BCR: variants seen among roughly 807,000 people sequenced by gnomAD.
BCR encodes BCR activator of RhoGEF and GTPase.
In BCR, 58 loss-of-function variants were observed where a neutral mutation model predicts 138.6. The ratio of observed to expected loss-of-function variants is 0.42; its 90% confidence interval spans 0.34 to 0.52. The LOEUF (loss-of-function observed/expected upper bound fraction) is 0.52, where lower values mean the gene tolerates loss of function less well. Ranked by LOEUF, BCR falls within the 20% of genes least tolerant of loss-of-function variation. The pLI is 0.06. For synonymous variants in BCR, 786 were observed against 730.1 expected (o/e 1.08, Z -1.23); for missense variants, 1,599 against 1,727.2 (o/e 0.93, Z 1.32).
At chr22:23,284,981 A>G in intron 9 of BCR, 52 bp from the exon 10 acceptor site, 2 of 1,575,764 alleles carry the variant, frequency 1.3e-6, no homozygotes, top group South Asian at 2.3e-5. Flanking sequence ...CAGTGACATC[A>G]GCCATAGAAG....
At chr22:23,286,052 A>G (rs908302050) in intron 10 of BCR, among the ~76,000 whole-genome samples, 1 of 152,200 alleles carries the variant, frequency 6.6e-6, no homozygotes, top group African/African-American at 2.4e-5. Flanking sequence ...ACATGGGTGA[A>G]GTACTGAGTC....
Position 23,305,261 on chromosome 22 carries a change from A to C in BCR, c.3013-4163A>C, listed in dbSNP as rs547465348. Among the ~76,000 whole-genome samples the C allele has an allele frequency of 2.0e-5, 3 of 152,286 alleles. No homozygotes were observed. The East Asian group carries it at 5.8e-4, about 29-fold the overall frequency. On this transcript the variant is annotated intron_variant, in intron 16 of 22. Coordinates refer to ENST00000305877, the MANE Select transcript of BCR (RefSeq NM_004327.4). ...AGACCCACCCCCGGGAGTAGGTTATAGTGCAGACACATGGGGCCCAGACAG... is the reference window on the plus strand; with the variant it reads ...AGACCCACCCCCGGGAGTAGGTTATCGTGCAGACACATGGGGCCCAGACAG...
chr22:23,315,832 TTAAC>T lies in BCR; in HGVS notation c.*312_*315del. 3 of 461,566 alleles carry T rather than the reference TTAAC, an allele frequency of 6.5e-6. No homozygotes were observed. The highest frequency in any genetic ancestry group is 6.0e-5 in the South Asian group (3 of 49,824). 28.6% of individuals were successfully genotyped at this position (461,566 alleles called of 1,614,324 possible). ...GGTGAAGGGAGTGGTTTTTATGAAC[TTAAC>T]TTAGAGTCTAAAAGATTTCTACTGG... On this transcript the variant is annotated 3_prime_UTR_variant, in exon 23 of 23. Coordinates refer to ENST00000305877, the MANE Select transcript of BCR (RefSeq NM_004327.4).
chr22:23,216,386 T>C lies in BCR; in HGVS notation c.1279+34147T>C, dbSNP rs1395520606. 7.2e-5 allele frequency among the ~76,000 whole-genome samples: 11 copies of C among 152,346 alleles called. 1 individual carries two copies. The South Asian group carries it at 2.3e-3, about 32-fold the overall frequency. On this transcript the variant is annotated intron_variant, in intron 1 of 22. Coordinates refer to ENST00000305877, the MANE Select transcript of BCR (RefSeq NM_004327.4). ...CCCCTTTTCTTTTATGGTAGTATTATGTGAAATTATTCATTGTATTCATAA... is the reference window on the plus strand; with the variant it reads ...CCCCTTTTCTTTTATGGTAGTATTACGTGAAATTATTCATTGTATTCATAA...
chr22:23,278,167 AC>A (rs1275083684), intron 8 of BCR, among the ~76,000 whole-genome samples: 1 of 151,940 alleles, frequency 6.6e-6, no homozygotes, highest in Admixed American at 6.6e-5. Flanking sequence ...GCTGCTCAGC[AC>A]CCCCTCCGCC....
At chr22:23,219,794 C>T (rs532978648) in intron 1 of BCR, among the ~76,000 whole-genome samples, 21 of 152,336 alleles carry the variant, frequency 1.4e-4, no homozygotes, top group African/African-American at 4.8e-4. Flanking sequence ...TTTGAGGCTA[C>T]TTTCTGCAGT....
chr22:23,314,008 C>A lies in BCR; in HGVS notation c.3498C>A (p.Asn1166Lys). The change falls in exon 21 of 23, where the codon AAC becomes AAA. Residue 1166 changes from asparagine to lysine, a missense_variant. Transcript: ENST00000305877. ...DPVAKESCML[N>K]LLLSLPEANL... is the part of the protein sequence containing the mutation. Reference sequence around the variant, plus strand: ...TTGCAAAGGAGAGCTGCATGCTCAACCTGCTGCTGTCCCTGCCGGAGGCCA... The same window carrying A: ...TTGCAAAGGAGAGCTGCATGCTCAAACTGCTGCTGTCCCTGCCGGAGGCCA... The A allele has an allele frequency of 1.9e-6, 3 of 1,614,058 alleles. No homozygotes were observed. Among genetic ancestry groups the A allele is most frequent in the Non-Finnish European group, 2.5e-6 (3 of 1,180,022 alleles).
chr22:23,198,351 A>G (rs752935825), intron 1 of BCR: 2 of 446,004 alleles, frequency 4.5e-6, no homozygotes, highest in Admixed American at 2.9e-5. Context: ...CTGGAGTCCC[A>G]GGGGGAGATT....
intron 15 of BCR, 78 bp from the exon 16 acceptor site, chr22:23,294,944 GCC>G (rs2073828648): frequency 6.5e-7 from 1 of 1,543,062 alleles, no homozygotes; most frequent in Non-Finnish European, 8.8e-7. Context: ...AGCAGGGAGA[GCC>G]CCGGTTCAGA....
chr22:23,211,355 A>G (rs1389698523), intron 1 of BCR, among the ~76,000 whole-genome samples: 1 of 150,272 alleles, frequency 6.7e-6, no homozygotes, highest in Non-Finnish European at 1.5e-5. Flanking sequence ...CCGCCACTAC[A>G]CCCAGCTAAT....
intron 3 of BCR, 102 bp downstream of exon 3, chr22:23,261,156 G>T (rs996821947): frequency 6.1e-6 from 8 of 1,316,360 alleles, no homozygotes; most frequent in Middle Eastern, 2.6e-4. Context: ...CAGAGCCTGG[G>T]TGCAGCTCGC....
intron 4 of BCR, chr22:23,264,328 A>T: frequency 1.0e-6 from 1 of 988,332 alleles, no homozygotes; most frequent in Non-Finnish European, 1.6e-6. Context: ...CTGTCTTACA[A>T]CCTCCACGTC....
chr22:23,185,418 C>T (rs1309418916), intron 1 of BCR, among the ~76,000 whole-genome samples: 1 of 152,138 alleles, frequency 6.6e-6, no homozygotes, highest in African/African-American at 2.4e-5. Flanking sequence ...GTAATCCCAG[C>T]ACTTAGGGAG....
At chr22:23,274,645 C>G (rs1220791237) in intron 8 of BCR, among the ~76,000 whole-genome samples, 4 of 152,132 alleles carry the variant, frequency 2.6e-5, no homozygotes, top group Admixed American at 2.6e-4. Context: ...TGCGGTGGCT[C>G]ACGCCTGTAA....
At chr22:23,272,014 TG>T (rs2073515699) in intron 6 of BCR, among the ~76,000 whole-genome samples, 1 of 152,112 alleles carries the variant, frequency 6.6e-6, no homozygotes, top group African/African-American at 2.4e-5. Context: ...TTAATAGAGA[TG>T]GGGTTTCCCT....
In BCR at chr22:23,181,556, G is replaced by T. The variant is rs1421525948; in HGVS notation, c.596G>T (p.Arg199Leu). Residue 199 changes from arginine to leucine, a missense_variant, in exon 1 of 23, where the codon CGC (arginine) becomes CTC (leucine). By Grantham distance (102) the Arg-to-Leu change is moderately radical. This residue lies in a region of BCR where 806 missense variants were observed against 635.0 expected (regional missense o/e 1.27). Transcript: ENST00000305877. ...VKVNDKEVSD[R>L]ISSLGSQAMQ... The stretch of plus-strand genomic sequence containing the variant: ...GTCAACGACAAAGAGGTGTCGGACC[G>T]CATCAGCTCCCTGGGCAGCCAGGCC... 2 of 1,612,958 alleles carry T rather than the reference G, an allele frequency of 1.2e-6. No homozygotes were observed. Among genetic ancestry groups the T allele is most frequent in the Non-Finnish European group, 1.7e-6 (2 of 1,179,980 alleles).
At chr22:23,273,215 T>A (rs1281970155) in intron 7 of BCR, 82 bp downstream of exon 7, 6 of 1,455,482 alleles carry the variant, frequency 4.1e-6, no homozygotes, top group Non-Finnish European at 9.4e-7. Context: ...GACCTTTTTT[T>A]AGTTGTCATA....
intron 5 of BCR, among the ~76,000 whole-genome samples, chr22:23,269,678 C>G (rs1361930431): frequency 2.0e-5 from 3 of 152,210 alleles, no homozygotes; most frequent in Admixed American, 2.0e-4. Flanking sequence ...CCAGCTCCCT[C>G]CCCACTGCCA....
At chr22:23,264,472 T>A (rs916971931) in intron 4 of BCR, 2 of 606,460 alleles carry the variant, frequency 3.3e-6, no homozygotes, top group Non-Finnish European at 3.0e-6. Flanking sequence ...CTCCTGGGCC[T>A]GTGACCCCAG....
Sources: gnomAD v4.1 joint callset for allele counts (sites outside exome capture counted in the v4.1 genomes callset) on GRCh38, gnomAD v4.1.1 for gene constraint, gnomAD v4.1.1 regional missense constraint, MANE v1.5 for transcripts, NCBI Gene and HGNC (gene_info 2026-07-23, HGNC 2026-07-21) for gene names.